Variants in PIK3R6 observed in about 807,000 individuals in gnomAD.
The protein encoded by PIK3R6 is phosphoinositide 3-kinase regulatory subunit 6.
PIK3R6 carries 91 observed loss-of-function variants against 84.9 expected under a neutral mutation model. The ratio of observed to expected loss-of-function variants is 1.07; its 90% confidence interval spans 0.90 to 1.28. PIK3R6 has a LOEUF of 1.28. Among genes scored for constraint, PIK3R6 ranks in the 50% most tolerant of loss-of-function variants. The pLI, the probability that PIK3R6 is intolerant of heterozygous loss-of-function variation, is 0.00. For synonymous variants in PIK3R6, 416 were observed against 411.4 expected (o/e 1.01, Z -0.13); for missense variants, 996 against 985.1 (o/e 1.01, Z -0.15).
At chr17:8,864,461 C>T (rs1468407031) in intron 1 of PIK3R6, among the ~76,000 whole-genome samples, 1 of 146,912 alleles carries the variant, frequency 6.8e-6, no homozygotes, top group Admixed American at 6.8e-5. Flanking sequence ...GGTGGGCTAA[C>T]TTGTTAGTTC....
In PIK3R6 at chr17:8,803,649, A is replaced by G; in HGVS notation, c.2109-220T>C. On this transcript the variant is annotated intron_variant, in intron 19 of 19. Coordinates refer to ENST00000619866, the MANE Select transcript of PIK3R6 (RefSeq NM_001010855.4). The surrounding 1 kb of genome is among the most constrained non-coding windows in gnomAD (Gnocchi z 5.0). Reference sequence around the variant, plus strand: ...ACACTTGGAGCAAGTAACTCTGCGCATGCCTCCCTTACCCAAACACACCTC... The same window carrying G: ...ACACTTGGAGCAAGTAACTCTGCGCGTGCCTCCCTTACCCAAACACACCTC... 2 of 566,128 alleles carry G rather than the reference A, an allele frequency of 3.5e-6. No homozygotes were observed. Among genetic ancestry groups the G allele is most frequent in the East Asian group, 3.0e-5 (1 of 33,248 alleles). The allele number at this position is 566,128 out of a possible 1,614,324, so 35.1% of individuals were successfully genotyped here.
At chr17:8,814,821 C>A (rs114922774) in intron 18 of PIK3R6, among the ~76,000 whole-genome samples, 3,442 of 151,888 alleles carry the variant, frequency 0.023, 127 homozygotes, top group African/African-American at 0.076. Flanking sequence ...AATTGTCCAT[C>A]AAAGGTCCAA....
chr17:8,831,786 T>C (rs12952560), intron 9 of PIK3R6, among the ~76,000 whole-genome samples: 66,020 of 151,948 alleles, frequency 0.43, 15,016 homozygotes, highest in African/African-American at 0.57. Flanking sequence ...CAGGCTGACA[T>C]ATTCCATGAT....
chr17:8,853,225 C>T (rs1198519171), intron 1 of PIK3R6, among the ~76,000 whole-genome samples: 3 of 151,798 alleles, frequency 2.0e-5, no homozygotes, highest in Non-Finnish European at 4.4e-5. Context: ...GTAGCTCACG[C>T]CTGTAATCCC....
intron 18 of PIK3R6, among the ~76,000 whole-genome samples, chr17:8,815,763 A>C (rs991306719): frequency 2.0e-5 from 3 of 152,188 alleles, no homozygotes; most frequent in African/African-American, 7.2e-5. Flanking sequence ...AAAGACACAA[A>C]CAGACAAACA....
intron 8 of PIK3R6, among the ~76,000 whole-genome samples, chr17:8,833,983 C>T (rs895586040): frequency 3.3e-5 from 5 of 151,280 alleles, no homozygotes; most frequent in South Asian, 4.2e-4. Flanking sequence ...GGTGAAACCC[C>T]GTCTCTACTA....
chr17:8,847,823 T>C (rs2088848729), intron 2 of PIK3R6, among the ~76,000 whole-genome samples: 2 of 151,492 alleles, frequency 1.3e-5, no homozygotes, highest in African/African-American at 4.8e-5. Context: ...AAAATCATAA[T>C]GTGGAAAGAC....
chr17:8,805,176 G>T (rs937562473), intron 18 of PIK3R6, among the ~76,000 whole-genome samples: 1 of 152,236 alleles, frequency 6.6e-6, no homozygotes, highest in African/African-American at 2.4e-5. Context: ...AAGCCAGGCT[G>T]CCCAGGCTCT....
intron 2 of PIK3R6, among the ~76,000 whole-genome samples, chr17:8,841,561 A>G (rs2151282263): frequency 6.6e-6 from 1 of 152,348 alleles, no homozygotes; most frequent in South Asian, 2.1e-4. Context: ...CTCATTGGCT[A>G]TAAATCCCCA....
intron 18 of PIK3R6, among the ~76,000 whole-genome samples, chr17:8,805,281 G>A (rs2087168740): frequency 6.6e-6 from 1 of 152,182 alleles, no homozygotes; most frequent in African/African-American, 2.4e-5. Context: ...GATTACATGA[G>A]ATAGTATATA....
Position 8,839,804 on chromosome 17 carries a change from G to A in PIK3R6, c.14-107C>T, listed in dbSNP as rs149155090. 4.5e-6 allele frequency: 4 copies of A among 897,950 alleles called. No homozygotes were observed. Among genetic ancestry groups the A allele is most frequent in the African/African-American group, 1.7e-5 (1 of 58,058 alleles). The allele number at this position is 897,950 out of a possible 1,614,324, so 55.6% of individuals were successfully genotyped here. On this transcript the variant is annotated intron_variant, in intron 2 of 19. Coordinates refer to ENST00000619866, the MANE Select transcript of PIK3R6 (RefSeq NM_001010855.4). This position sits in a 1 kb window ranked among gnomAD's most constrained non-coding sequence, Gnocchi z 4.2. The stretch of plus-strand genomic sequence containing the variant: ...TTAGCCATTTCTCTGAGCCTCAGGA[G>A]GTGCCCGAAGTAATCGACTTAGAGC...
intron 1 of PIK3R6, among the ~76,000 whole-genome samples, chr17:8,866,821 T>C (rs12602123): frequency 0.31 from 46,951 of 151,964 alleles, 7,785 homozygotes; most frequent in African/African-American, 0.36. Context: ...ACCCTGAAGG[T>C]TCTGAGTTGG....
intron 2 of PIK3R6, among the ~76,000 whole-genome samples, chr17:8,843,162 T>C (rs918739025): frequency 6.6e-6 from 1 of 152,176 alleles, no homozygotes; most frequent in Non-Finnish European, 1.5e-5. Flanking sequence ...AGCATGAAGG[T>C]TGGTCACAGT....
At chr17:8,847,263 A>G (rs1372207395) in intron 2 of PIK3R6, among the ~76,000 whole-genome samples, 2 of 152,022 alleles carry the variant, frequency 1.3e-5, no homozygotes, top group Non-Finnish European at 1.5e-5. Context: ...CAGTACCCAG[A>G]TGCACCTCCT....
intron 1 of PIK3R6, among the ~76,000 whole-genome samples, chr17:8,864,002 G>A (rs7220229): frequency 8.5e-5 from 13 of 152,180 alleles, no homozygotes; most frequent in African/African-American, 2.9e-4. Flanking sequence ...AAGGGACAGC[G>A]TTTGGGGTGC....
At chr17:8,824,537 T>C (rs1027150276) in intron 13 of PIK3R6, among the ~76,000 whole-genome samples, 7 of 152,232 alleles carry the variant, frequency 4.6e-5, no homozygotes, top group African/African-American at 1.7e-4. Context: ...TGAGGAGCTA[T>C]GAACGTAGTC....
chr17:8,865,044 G>A (rs1169482465), intron 1 of PIK3R6, among the ~76,000 whole-genome samples: 1 of 152,106 alleles, frequency 6.6e-6, no homozygotes, highest in African/African-American at 2.4e-5. Flanking sequence ...CTATGGACAC[G>A]GCAAAAAGAA....
At chr17:8,860,276 C>G (rs1320725524) in intron 1 of PIK3R6, among the ~76,000 whole-genome samples, 1 of 147,684 alleles carries the variant, frequency 6.8e-6, no homozygotes, top group Admixed American at 6.6e-5. Flanking sequence ...CGCCTGAGCT[C>G]CGCCTCCTGG....
intron 3 of PIK3R6, 94 bp from the exon 4 acceptor site, chr17:8,838,749 T>A: frequency 8.0e-7 from 1 of 1,253,472 alleles, no homozygotes; most frequent in Non-Finnish European, 1.1e-6. Context: ...GAGCCTCAGC[T>A]GCAGCTCTGA....
Sources: allele counts gnomAD v4.1 joint callset (sites outside exome capture counted in the v4.1 genomes callset), GRCh38; gene constraint gnomAD v4.1.1; non-coding constraint Gnocchi (gnomAD v3.1); transcripts MANE v1.5; gene names NCBI Gene and HGNC (gene_info 2026-07-23, HGNC 2026-07-21).